The following IFT88 variants were observed in gnomAD, a reference collection of about 807,000 sequenced individuals.
The protein encoded by IFT88 is intraflagellar transport 88.
IFT88 carries 74 observed loss-of-function variants against 119.5 expected under a neutral mutation model. The ratio of observed to expected loss-of-function variants is 0.62; its 90% CI spans 0.51 to 0.75. The LOEUF (loss-of-function observed/expected upper bound fraction) is 0.75, where lower values mean the gene tolerates loss of function less well. Ranked by LOEUF, IFT88 falls within the 30% of genes least tolerant of loss-of-function variation. The pLI, the probability that IFT88 is intolerant of heterozygous loss-of-function variation, is 0.00. For missense variants in IFT88, 961 were observed against 977.7 expected (o/e 0.98, Z 0.23); for synonymous variants, 279 against 316.7 (o/e 0.88, Z 1.26).
At chr13:20,589,263 T>C (rs1314394309) in intron 3 of IFT88, among the ~76,000 whole-genome samples, 1 of 152,244 alleles carries the variant, frequency 6.6e-6, no homozygotes, top group East Asian at 1.9e-4. Flanking sequence ...TGATATTTAA[T>C]AAATATTTCT....
intron 20 of IFT88, 40 bp from the exon 21 acceptor site, chr13:20,653,836 T>C (rs1395368685): frequency 8.2e-7 from 1 of 1,216,714 alleles, no homozygotes; most frequent in South Asian, 1.5e-5. Context: ...CATCACAGAT[T>C]TTTTTATCTC....
chr13:20,631,134 A>T (rs747632171), intron 16 of IFT88, 32 bp downstream of exon 16: 1 of 1,326,578 alleles, frequency 7.5e-7, no homozygotes, highest in African/African-American at 1.4e-5. Context: ...AGTTAATCAT[A>T]TGCTATTTTT....
At chr13:20,681,407 ACTT>A (rs2057306404) in intron 24 of IFT88, among the ~76,000 whole-genome samples, 1 of 152,186 alleles carries the variant, frequency 6.6e-6, no homozygotes, top group Admixed American at 6.5e-5. Flanking sequence ...TCGAGGATTA[ACTT>A]CTCCTGTAAA....
At chr13:20,654,080 A>C (rs2052317187) in intron 21 of IFT88, 152 bp downstream of exon 21, 8 of 434,670 alleles carry the variant, frequency 1.8e-5, no homozygotes, top group African/African-American at 4.1e-5. Context: ...TGAAAAACAC[A>C]ATAATTACTA....
chr13:20,658,612 G>A (rs1181002661), intron 22 of IFT88, among the ~76,000 whole-genome samples: 5 of 152,126 alleles, frequency 3.3e-5, no homozygotes, highest in South Asian at 2.1e-4. Flanking sequence ...AGAGTTTCTC[G>A]GCCTTGGCAC....
At chr13:20,592,494 A>G (rs2040855406) in intron 7 of IFT88, 90 bp downstream of exon 7, 3 of 939,464 alleles carry the variant, frequency 3.2e-6, no homozygotes, top group South Asian at 1.6e-5. Flanking sequence ...TTTTGAGATG[A>G]TATCTCACTC....
intron 24 of IFT88, among the ~76,000 whole-genome samples, chr13:20,682,432 G>T (rs1375290691): frequency 6.6e-6 from 1 of 152,228 alleles, no homozygotes; most frequent in Non-Finnish European, 1.5e-5. Flanking sequence ...TCTAAGGATA[G>T]AAAATAGATT....
chr13:20,653,392 G>T (rs1348564822), intron 20 of IFT88, among the ~76,000 whole-genome samples: 1 of 152,116 alleles, frequency 6.6e-6, no homozygotes, highest in Non-Finnish European at 1.5e-5. Context: ...CCTGGTTTTG[G>T]TTATTTATTT....
chr13:20,685,738 G>A (rs1395088244), intron 24 of IFT88, among the ~76,000 whole-genome samples: 1 of 152,130 alleles, frequency 6.6e-6, no homozygotes, highest in East Asian at 1.9e-4. Flanking sequence ...AAATTAACCG[G>A]GCATGGTGGC....
chr13:20,600,911 C>G (rs1420375578), intron 11 of IFT88, among the ~76,000 whole-genome samples: 1 of 152,134 alleles, frequency 6.6e-6, no homozygotes, highest in African/African-American at 2.4e-5. Context: ...TGTATTCATA[C>G]TATGAAATGC....
At chr13:20,620,362 C>G (rs900140701) in intron 14 of IFT88, among the ~76,000 whole-genome samples, 1 of 152,136 alleles carries the variant, frequency 6.6e-6, no homozygotes, top group African/African-American at 2.4e-5. Context: ...TTTATTCAAT[C>G]CCTTTGGTCC....
chr13:20,682,506 T>C (rs774960845), intron 24 of IFT88, among the ~76,000 whole-genome samples: 1 of 152,224 alleles, frequency 6.6e-6, no homozygotes, highest in Non-Finnish European at 1.5e-5. Context: ...CTGGTAATTT[T>C]TGAAAGTCAT....
intron 16 of IFT88, 92 bp downstream of exon 16, chr13:20,631,194 A>C: frequency 1.2e-6 from 1 of 826,086 alleles, no homozygotes; most frequent in Non-Finnish European, 2.1e-6. Flanking sequence ...AGGTCCAAAG[A>C]ATATTGGTGG....
At chr13:20,596,953 C>A in intron 8 of IFT88, 62 bp from the exon 9 acceptor site, 1 of 867,006 alleles carries the variant, frequency 1.2e-6, no homozygotes, top group East Asian at 2.8e-5. Flanking sequence ...GTAGATATTT[C>A]TCAAATGCAT....
intron 22 of IFT88, among the ~76,000 whole-genome samples, chr13:20,657,799 T>G (rs2053100157): frequency 1.4e-5 from 2 of 147,972 alleles, no homozygotes; most frequent in African/African-American, 2.6e-5. Flanking sequence ...ATAAATAAAT[T>G]TGTTCTTCAA....
intron 19 of IFT88, among the ~76,000 whole-genome samples, chr13:20,644,455 C>T (rs138341863): frequency 6.6e-6 from 1 of 152,022 alleles, no homozygotes; most frequent in Non-Finnish European, 1.5e-5. Context: ...GAGCCAAGAT[C>T]GCATTTACTA....
intron 24 of IFT88, among the ~76,000 whole-genome samples, chr13:20,673,190 C>T (rs373785860): frequency 2.0e-5 from 3 of 152,204 alleles, no homozygotes; most frequent in Admixed American, 2.0e-4. Context: ...CCAACCAGTT[C>T]CTTCTAAACA....
intron 2 of IFT88, among the ~76,000 whole-genome samples, chr13:20,577,504 C>G (rs531472669): frequency 2.0e-5 from 3 of 151,830 alleles, no homozygotes; most frequent in Non-Finnish European, 4.4e-5. Context: ...TGTTACATGA[C>G]TTTTTTCACG....
intron 24 of IFT88, among the ~76,000 whole-genome samples, chr13:20,683,451 T>C (rs2057541882): frequency 6.6e-6 from 1 of 152,194 alleles, no homozygotes; most frequent in Non-Finnish European, 1.5e-5. Context: ...ATTGCTGTAA[T>C]AAATCTCTCC....
Sources: allele counts gnomAD v4.1 joint callset (sites outside exome capture counted in the v4.1 genomes callset), GRCh38; gene constraint gnomAD v4.1.1; transcripts MANE v1.5; gene names NCBI Gene and HGNC (gene_info 2026-07-23, HGNC 2026-07-21).